Variants in MS4A4A observed in about 807,000 individuals in gnomAD.
MS4A4A encodes membrane-spanning 4-domains subfamily A member 4A.
In MS4A4A, 26 loss-of-function variants were observed where a neutral mutation model predicts 28.0. The ratio of observed to expected loss-of-function variants is 0.93; its 90% CI spans 0.68 to 1.29. The LOEUF is 1.29. Among genes scored for constraint, MS4A4A ranks in the 50% most tolerant of loss-of-function variants. MS4A4A has a pLI of 0.00. For synonymous variants in MS4A4A, 86 were observed against 100.8 expected (o/e 0.85, Z 0.88); for missense variants, 290 against 293.1 (o/e 0.99, Z 0.08).
chr11:60,299,064 A>G (rs2084928740), intron 3 of MS4A4A, among the ~76,000 whole-genome samples: 1 of 152,216 alleles, frequency 6.6e-6, no homozygotes, highest in Non-Finnish European at 1.5e-5. Flanking sequence ...TCCTGTGGCA[A>G]ATGAAGTCCT....
Position 60,292,520 on chromosome 11 carries a change from T to C in MS4A4A, c.201+136T>C, listed in dbSNP as rs530198526. 235 of 843,002 alleles carry C rather than the reference T, an allele frequency of 2.8e-4. 1 individual carries two copies. The Middle Eastern group carries it at 8.8e-3, about 31-fold the overall frequency. 52.2% of individuals were successfully genotyped at this position (843,002 alleles called of 1,614,324 possible). A position where few individuals can be genotyped will look rare whatever the true frequency, so the allele number is the denominator to read the frequency against. ...CGACGTCAGTAATTACTTTTCAGGC[T>C]CTTCATCTGAAAAACTATATAGTAT... is the stretch of plus-strand genomic sequence containing the variant. On this transcript the variant is annotated intron_variant, in intron 2 of 6. Coordinates refer to ENST00000337908, the MANE Select transcript of MS4A4A (RefSeq NM_148975.3).
chr11:60,305,958 G>A (rs1210745809), intron 5 of MS4A4A, 142 bp from the exon 6 acceptor site: 1 of 628,612 alleles, frequency 1.6e-6, no homozygotes, highest in Non-Finnish European at 2.8e-6. Flanking sequence ...TCAAGAATTG[G>A]TCAAGGGTAT....
chr11:60,281,835 G>T (rs1249050189), intron 1 of MS4A4A, among the ~76,000 whole-genome samples: 2 of 152,136 alleles, frequency 1.3e-5, no homozygotes, highest in Non-Finnish European at 2.9e-5. Context: ...TTAAGAGCCT[G>T]ATGCATATAG....
chr11:60,294,082 C>G (rs974006173), intron 2 of MS4A4A, among the ~76,000 whole-genome samples: 32 of 152,222 alleles, frequency 2.1e-4, no homozygotes, highest in African/African-American at 7.2e-4. Flanking sequence ...AATCAACAGT[C>G]AATGAGTTCC....
chr11:60,292,459 G>A, intron 2 of MS4A4A, 75 bp downstream of exon 2: 2 of 1,411,364 alleles, frequency 1.4e-6, no homozygotes, highest in South Asian at 1.6e-5. Flanking sequence ...CAAATACACT[G>A]TCCCACTAGC....
chr11:60,304,107 T>C (rs1197923370), intron 5 of MS4A4A, among the ~76,000 whole-genome samples: 1 of 152,228 alleles, frequency 6.6e-6, no homozygotes, highest in Admixed American at 6.5e-5. Context: ...AGTTAGAAAC[T>C]GGCAAAAGGA....
chr11:60,289,652 C>A (rs1445129630), intron 1 of MS4A4A, among the ~76,000 whole-genome samples: 1 of 150,596 alleles, frequency 6.6e-6, no homozygotes, highest in Admixed American at 6.6e-5. Context: ...AGGAACTTCT[C>A]GTTGGCCTTC....
At chr11:60,301,682 A>C (rs1381571074) in intron 4 of MS4A4A, among the ~76,000 whole-genome samples, 2 of 151,908 alleles carry the variant, frequency 1.3e-5, no homozygotes, top group African/African-American at 2.4e-5. Context: ...GCCTAACCCA[A>C]CTCCCTAGTG....
intron 1 of MS4A4A, among the ~76,000 whole-genome samples, chr11:60,288,037 A>C (rs770575368): frequency 2.6e-5 from 4 of 152,130 alleles, no homozygotes; most frequent in Non-Finnish European, 5.9e-5. Context: ...GTTGCATGCT[A>C]GTGGCCCTAT....
intron 1 of MS4A4A, among the ~76,000 whole-genome samples, chr11:60,291,352 C>T (rs2084854263): frequency 6.6e-6 from 1 of 152,068 alleles, no homozygotes; most frequent in South Asian, 2.1e-4. Flanking sequence ...GCACAAAATA[C>T]AAGGTTACAT....
Position 60,294,894 on chromosome 11 carries a change from T to TAC in MS4A4A, c.202-2303_202-2302insAC, listed in dbSNP as rs1565145915. On this transcript the variant is annotated intron_variant, in intron 2 of 6. Transcript: ENST00000337908. ...GTAGTGTTAGTCCTACAACTACTAC[T>TAC]TCTTCTTCTTCTTCTTCTTCTTCTT... is the stretch of plus-strand genomic sequence containing the variant. 7.6e-3 allele frequency among the ~76,000 whole-genome samples: 381 copies of TAC among 50,208 alleles called. 7 individuals carry two copies. Among genetic ancestry groups the TAC allele is most frequent in the Admixed American group, 0.011 (42 of 3,922 alleles). The allele number at this position is 50,208 out of a possible 152,430, so 32.9% of individuals were successfully genotyped here. A position where few individuals can be genotyped will look rare whatever the true frequency, so the allele number is the denominator to read the frequency against.
Position 60,308,249 on chromosome 11 carries a change from G to T in MS4A4A, c.*71G>T. The T allele has an allele frequency of 7.0e-7, 1 of 1,422,104 alleles. No individual in the cohort carries two copies. Among genetic ancestry groups the T allele is most frequent in the Non-Finnish European group, 9.9e-7 (1 of 1,010,156 alleles). The allele number at this position is 1,422,104 out of a possible 1,614,324, so 88.1% of individuals were successfully genotyped here. A position where few individuals can be genotyped will look rare whatever the true frequency, so the allele number is the denominator to read the frequency against. The stretch of plus-strand genomic sequence containing the variant: ...ACTGTGACACAAGAGCCTCACATGA[G>T]AAATTACCAGTATCCAACTTCGATA... On this transcript the variant is annotated 3_prime_UTR_variant, in exon 7 of 7. Transcript: ENST00000337908.
At chr11:60,286,946 G>C (rs1001852239) in intron 1 of MS4A4A, among the ~76,000 whole-genome samples, 3 of 152,070 alleles carry the variant, frequency 2.0e-5, no homozygotes, top group Non-Finnish European at 4.4e-5. Flanking sequence ...GTAGATATTT[G>C]TTTCTTTCTT....
At chr11:60,281,914 T>C (rs756339860) in intron 1 of MS4A4A, among the ~76,000 whole-genome samples, 2 of 152,152 alleles carry the variant, frequency 1.3e-5, no homozygotes, top group Non-Finnish European at 2.9e-5. Context: ...ATGCATCCAA[T>C]ATTCTCAGCA....
chr11:60,291,161 A>C, intron 1 of MS4A4A, among the ~76,000 whole-genome samples: 1 of 152,220 alleles, frequency 6.6e-6, no homozygotes, highest in Admixed American at 6.5e-5. Context: ...TACTGAGGAC[A>C]GAAAGAGATA....
intron 1 of MS4A4A, among the ~76,000 whole-genome samples, chr11:60,291,183 T>C (rs930583840): frequency 2.0e-5 from 3 of 152,198 alleles, no homozygotes; most frequent in Non-Finnish European, 4.4e-5. Flanking sequence ...AAGAGTAATA[T>C]GTTTGTGCTT....
At position 60,308,415 on chromosome 11, in the gene MS4A4A, T is replaced by C; in HGVS notation, c.*237T>C. ...CATTTCACTGGCTCTTTATCGAGAG[T>C]ACTAGAAGTTAAATTAATAAATAAT... is the stretch of plus-strand genomic sequence containing the variant. On this transcript the variant is annotated 3_prime_UTR_variant, in exon 7 of 7. Coordinates refer to ENST00000337908, the MANE Select transcript of MS4A4A (RefSeq NM_148975.3). 4.7e-6 allele frequency: 2 copies of C among 421,920 alleles called. No homozygotes were observed. Among genetic ancestry groups the C allele is most frequent in the Non-Finnish European group, 8.3e-6 (2 of 239,764 alleles). The allele number at this position is 421,920 out of a possible 1,614,324, so 26.1% of individuals were successfully genotyped here.
chr11:60,300,762 G>C (rs1406867145), intron 3 of MS4A4A, among the ~76,000 whole-genome samples: 3 of 151,828 alleles, frequency 2.0e-5, no homozygotes, highest in Non-Finnish European at 4.4e-5. Flanking sequence ...CCCTCAAACA[G>C]TTTTAATATC....
At chr11:60,294,938 C>A (rs1035548191) in intron 2 of MS4A4A, among the ~76,000 whole-genome samples, 79 of 124,808 alleles carry the variant, frequency 6.3e-4, no homozygotes, top group African/African-American at 2.0e-3. Flanking sequence ...TCTTCTTCTT[C>A]TTCTTCTTCT....
Sources: allele counts gnomAD v4.1 joint callset (sites outside exome capture counted in the v4.1 genomes callset), GRCh38; gene constraint gnomAD v4.1.1; transcripts MANE v1.5; gene names NCBI Gene and HGNC (gene_info 2026-07-23, HGNC 2026-07-21).